N4BP1: variants seen among roughly 807,000 people sequenced by gnomAD.
N4BP1 encodes NEDD4-binding protein 1.
N4BP1 carries 21 observed loss-of-function variants against 70.9 expected under a neutral mutation model. The observed-to-expected ratio is 0.30, with a 90% CI of 0.21 to 0.43. The LOEUF (loss-of-function observed/expected upper bound fraction) is 0.43, where lower values mean the gene tolerates loss of function less well. Among genes scored for constraint, N4BP1 ranks in the 20% least tolerant of loss-of-function variants. The pLI is 1.00. For missense variants in N4BP1, 936 were observed against 1,069.4 expected (o/e 0.88, Z 1.74); for synonymous variants, 387 against 394.6 (o/e 0.98, Z 0.23).
rs142438076 is a variant in N4BP1, at chr16:48,596,980, C to T, written c.198+12795G>A. Among the ~76,000 whole-genome samples, 538 of 152,282 alleles carry T rather than the reference C, an allele frequency of 3.5e-3. 3 individuals carry two copies. Among genetic ancestry groups the T allele is most frequent in the African/African-American group, 0.013 (521 of 41,556 alleles). On this transcript the variant is annotated intron_variant, in intron 1 of 6. Coordinates refer to ENST00000262384, the MANE Select transcript of N4BP1 (RefSeq NM_153029.4). ...ACCCAGTCCCATAATCTGACTCAAC[C>T]AGTTCTGCCATCCCACCCAGGAACA...
At position 48,561,214 on chromosome 16, in the gene N4BP1, A is replaced by T. The variant is rs773832503; in HGVS notation, c.1429T>A (p.Ser477Thr). 3.1e-6 allele frequency: 5 copies of T among 1,614,008 alleles called. No homozygotes were observed. Among genetic ancestry groups the T allele is most frequent in the Non-Finnish European group, 3.4e-6 (4 of 1,179,886 alleles). ...PIEQKHEVWGSNQNYICNTDP... is the reference protein window; with the variant it reads ...PIEQKHEVWGTNQNYICNTDP... ...GTGTTACAAATGTAGTTCTGGTTTG[A>T]ACCCCAGACTTCATGTTTCTGTTCT... The change falls in exon 2 of 7, where the codon TCA becomes ACA. Residue 477 changes from serine (S) to threonine (T), a missense_variant. By Grantham distance (58) the Ser-to-Thr change is moderately conservative (BLOSUM62 1). This residue lies in a region of N4BP1 where 515 missense variants were observed against 491.7 expected (regional missense o/e 1.05). Coordinates refer to ENST00000262384, the MANE Select transcript of N4BP1 (RefSeq NM_153029.4).
intron 1 of N4BP1, among the ~76,000 whole-genome samples, chr16:48,587,960 T>G (rs1197208255): frequency 1.3e-5 from 2 of 152,116 alleles, no homozygotes; most frequent in Non-Finnish European, 2.9e-5. Context: ...GTAGAGATAG[T>G]TTTCTTGATT....
chr16:48,588,495 A>T (rs1053600146), intron 1 of N4BP1, among the ~76,000 whole-genome samples: 1 of 152,038 alleles, frequency 6.6e-6, no homozygotes, highest in Non-Finnish European at 1.5e-5. Context: ...GGGTTTCACC[A>T]TATTGGCCAG....
chr16:48,595,456 CAA>C (rs373163833), intron 1 of N4BP1, among the ~76,000 whole-genome samples: 2 of 57,492 alleles, frequency 3.5e-5, no homozygotes, highest in Non-Finnish European at 6.5e-5. Flanking sequence ...GACTCTGTCT[CAA>C]AAAAAAAAAA....
intron 2 of N4BP1, 93 bp downstream of exon 2, chr16:48,560,660 AC>A: frequency 6.8e-7 from 1 of 1,469,528 alleles, no homozygotes; most frequent in African/African-American, 1.4e-5. Flanking sequence ...TCAACTATAT[AC>A]AACATGTATG....
At chr16:48,609,485 C>G (rs1249244982) in intron 1 of N4BP1, among the ~76,000 whole-genome samples, 1 of 152,222 alleles carries the variant, frequency 6.6e-6, no homozygotes, top group Non-Finnish European at 1.5e-5. Flanking sequence ...CCGTGCCACA[C>G]GCTGTGCCTG....
chr16:48,574,759 C>A (rs1396302296), intron 1 of N4BP1, among the ~76,000 whole-genome samples: 2 of 152,190 alleles, frequency 1.3e-5, no homozygotes, highest in Non-Finnish European at 1.5e-5. Flanking sequence ...ATAGCATATA[C>A]AACAATCTTT....
At chr16:48,572,277 A>C (rs1964029702) in intron 1 of N4BP1, among the ~76,000 whole-genome samples, 1 of 152,244 alleles carries the variant, frequency 6.6e-6, no homozygotes, top group Non-Finnish European at 1.5e-5. Context: ...GAAAGGACAG[A>C]AACATCTTGA....
At chr16:48,585,486 T>A (rs1161913021) in intron 1 of N4BP1, among the ~76,000 whole-genome samples, 5 of 150,814 alleles carry the variant, frequency 3.3e-5, no homozygotes, top group East Asian at 3.9e-4. Context: ...AAAAAAAAAA[T>A]AAATGATTAT....
In N4BP1 at chr16:48,541,634, C is replaced by T. The variant is rs1343210399; in HGVS notation, c.*1270G>A. ...CGGACAGGCAGGACAGGCAGCAAGC[C>T]GACTGTGAGCAGCCTGGGGGCGCAG... is the stretch of plus-strand genomic sequence containing the variant. On this transcript the variant is annotated 3_prime_UTR_variant, in exon 7 of 7. Transcript: ENST00000262384. 10 of 152,448 alleles carry T rather than the reference C, an allele frequency of 6.6e-5. No homozygotes were observed. Among genetic ancestry groups the T allele is most frequent in the South Asian group, 2.1e-4 (1 of 4,834 alleles). 9.4% of individuals were successfully genotyped at this position (152,448 alleles called of 1,614,324 possible).
chr16:48,551,464 T>A lies in N4BP1; in HGVS notation c.2039A>T (p.Gln680Leu). The A allele has an allele frequency of 6.2e-7, 1 of 1,613,472 alleles. No individual in the cohort carries two copies. Among genetic ancestry groups the A allele is most frequent in the South Asian group, 1.1e-5 (1 of 91,062 alleles). The change falls in exon 4 of 7, where the codon CAG becomes CTG. Residue 680 changes from glutamine to leucine, a missense_variant. Physicochemically the swap from Gln to Leu is moderately radical, Grantham distance 113. Transcript: ENST00000262384. ...PNVTEQHFLT[Q>L]LQELGILSLT... is the part of the protein sequence containing the mutation. ...AGATAATATTCCGAGCTCCTGGAGCTGGGTTAAGAAGTGCTGTTCTGTTCA... is the reference window on the plus strand; with the variant it reads ...AGATAATATTCCGAGCTCCTGGAGCAGGGTTAAGAAGTGCTGTTCTGTTCA...
At chr16:48,608,185 T>G (rs1964613342) in intron 1 of N4BP1, among the ~76,000 whole-genome samples, 1 of 152,194 alleles carries the variant, frequency 6.6e-6, no homozygotes, top group South Asian at 2.1e-4. Flanking sequence ...TTTCCGATTC[T>G]CAAGAACACG....
chr16:48,585,089 G>A (rs1964224675), intron 1 of N4BP1, among the ~76,000 whole-genome samples: 1 of 151,872 alleles, frequency 6.6e-6, no homozygotes, highest in East Asian at 1.9e-4. Context: ...CTGCCACCAT[G>A]CCTGGCTAAT....
intron 1 of N4BP1, among the ~76,000 whole-genome samples, chr16:48,593,239 C>T (rs750170776): frequency 2.0e-5 from 3 of 152,214 alleles, no homozygotes; most frequent in Non-Finnish European, 4.4e-5. Flanking sequence ...ACACCTGGTA[C>T]ATAATTACAA....
chr16:48,568,906 T>C (rs1016583611), intron 1 of N4BP1, among the ~76,000 whole-genome samples: 3 of 152,274 alleles, frequency 2.0e-5, no homozygotes, highest in African/African-American at 7.2e-5. Context: ...CGTGAGCTTC[T>C]TGAATCATCA....
intron 1 of N4BP1, among the ~76,000 whole-genome samples, chr16:48,566,787 T>C (rs1963948838): frequency 6.6e-6 from 1 of 152,236 alleles, no homozygotes. Flanking sequence ...TTCCATCAAC[T>C]GTTGAGAGAA....
intron 1 of N4BP1, among the ~76,000 whole-genome samples, chr16:48,595,277 C>G (rs536051362): frequency 3.9e-5 from 6 of 151,922 alleles, no homozygotes; most frequent in Admixed American, 3.9e-4. Flanking sequence ...GCCTGGCCAA[C>G]ATGGCAAAAA....
intron 6 of N4BP1, among the ~76,000 whole-genome samples, chr16:48,545,835 G>C (rs756172886): frequency 1.3e-5 from 2 of 151,966 alleles, no homozygotes; most frequent in African/African-American, 4.8e-5. Context: ...AGACCAGCCT[G>C]GGCAACATGG....
chr16:48,564,303 G>A (rs1260299449), intron 1 of N4BP1, among the ~76,000 whole-genome samples: 20 of 152,154 alleles, frequency 1.3e-4, no homozygotes, highest in Admixed American at 1.3e-3. Flanking sequence ...TATCGTCTAA[G>A]TTTTACATTT....
Sources: allele counts gnomAD v4.1 joint callset (sites outside exome capture counted in the v4.1 genomes callset), GRCh38; gene constraint gnomAD v4.1.1; regional missense constraint gnomAD v4.1.1; transcripts MANE v1.5; gene names NCBI Gene and HGNC (gene_info 2026-07-23, HGNC 2026-07-21).